DOCK1: variants seen among roughly 807,000 people sequenced by gnomAD.
The protein encoded by DOCK1 is dedicator of cytokinesis 1, also known as dedicator of cytokinesis protein 1.
In DOCK1, 138 loss-of-function variants were observed where a neutral mutation model predicts 262.7. That is an observed-to-expected ratio of 0.53 (90% confidence interval 0.46 to 0.61). DOCK1 has a LOEUF of 0.61. DOCK1 is among the 20% of genes least tolerant of loss of function. The pLI, the probability that DOCK1 is intolerant of heterozygous loss-of-function variation, is 0.00. For synonymous variants in DOCK1, 866 were observed against 867.4 expected, an observed-to-expected ratio of 1.00 and a Z score of 0.03; for missense variants, 1,908 against 2,370.7, an observed-to-expected ratio of 0.80 and a Z score of 4.05.
Position 127,100,956 on chromosome 10 carries a change from G to C in DOCK1, c.2446-5275G>C, listed in dbSNP as rs557974347. 5.9e-3 allele frequency among the ~76,000 whole-genome samples: 900 copies of C among 152,182 alleles called. 5 individuals are homozygous for C. The highest frequency in any genetic ancestry group is 8.7e-3 in the Non-Finnish European group (591 of 68,008). The stretch of plus-strand genomic sequence containing the variant: ...CCTGGGGCTGCTTTTCCGGGTGAGA[G>C]GCTGGTGTGGGCTTCATGATAGAAA... On this transcript the variant is annotated intron_variant, in intron 23 of 51. Coordinates refer to ENST00000623213, the MANE Select transcript of DOCK1 (RefSeq NM_001290223.2). The surrounding 1 kb of genome is among the most constrained non-coding windows in gnomAD (Gnocchi z 5.5).
chr10:127,024,253 A>T (rs1181916442), intron 14 of DOCK1, among the ~76,000 whole-genome samples: 1 of 152,160 alleles, frequency 6.6e-6, no homozygotes, highest in Non-Finnish European at 1.5e-5. Flanking sequence ...CCCTGGAAAC[A>T]TAGGTGCTGC....
chr10:127,355,151 C>CACG lies in DOCK1; in HGVS notation c.3283+424_3283+425insACG, dbSNP rs11269838. Among the ~76,000 whole-genome samples, 47 of 152,046 alleles carry CACG rather than the reference C, an allele frequency of 3.1e-4. No individual in the cohort carries two copies. In the East Asian group the frequency reaches 8.7e-3, roughly 28 times the overall value. On this transcript the variant is annotated intron_variant, in intron 32 of 51. Transcript: ENST00000623213. ...TTCCCCTCCTCAAAACCAGATCTACCTGGTGGCAGCCTAACATGCTCCTGC... is the reference window on the plus strand; with the variant it reads ...TTCCCCTCCTCAAAACCAGATCTACCACGTGGTGGCAGCCTAACATGCTCCTGC...
chr10:127,341,870 T>A (rs1458469557), intron 30 of DOCK1, among the ~76,000 whole-genome samples: 1 of 152,210 alleles, frequency 6.6e-6, no homozygotes, highest in Non-Finnish European at 1.5e-5. Context: ...GGCTGCATTC[T>A]GAGAGTCACA....
chr10:127,414,196 GC>G (rs889911104), intron 43 of DOCK1, among the ~76,000 whole-genome samples: 1 of 152,132 alleles, frequency 6.6e-6, no homozygotes, highest in Non-Finnish European at 1.5e-5. Flanking sequence ...ACAGACGTGA[GC>G]CCCCCACGCT....
intron 23 of DOCK1, among the ~76,000 whole-genome samples, chr10:127,083,190 T>C (rs1299042014): frequency 1.3e-5 from 2 of 152,216 alleles, no homozygotes; most frequent in Non-Finnish European, 2.9e-5. Context: ...TTGAACATTT[T>C]GCCTGGCATG....
intron 32 of DOCK1, among the ~76,000 whole-genome samples, chr10:127,356,639 G>A (rs1330355410): frequency 2.0e-5 from 3 of 152,000 alleles, no homozygotes; most frequent in African/African-American, 7.3e-5. Flanking sequence ...GACGGGGGAG[G>A]GCTTTCACAG....
chr10:127,398,016 G>C (rs2067016131), intron 38 of DOCK1, among the ~76,000 whole-genome samples: 2 of 152,100 alleles, frequency 1.3e-5, no homozygotes, highest in Admixed American at 1.3e-4. Flanking sequence ...CCGTGTGATG[G>C]GGCTCCTGTG....
intron 27 of DOCK1, among the ~76,000 whole-genome samples, chr10:127,199,430 C>T (rs966476479): frequency 3.3e-5 from 5 of 152,094 alleles, no homozygotes; most frequent in Non-Finnish European, 7.4e-5. Flanking sequence ...TATATCTGTT[C>T]CAAACGGGAA....
rs185552095 is a variant in DOCK1 at position 127,074,386 on chromosome 10, T to C, written c.2445+12610T>C. 1.1e-3 allele frequency among the ~76,000 whole-genome samples: 160 copies of C among 152,316 alleles called. 1 individual carries two copies. The highest frequency in any genetic ancestry group is 1.8e-3 in the Non-Finnish European group (121 of 68,028). ...TCAGCCCAGTGCTTTTTTCATGACA[T>C]CACTCAAGTCAGATTTTAAATTTGT... On this transcript the variant is annotated intron_variant, in intron 23 of 51. Coordinates refer to ENST00000623213, the MANE Select transcript of DOCK1 (RefSeq NM_001290223.2).
chr10:127,320,092 A>G (rs932192916), intron 29 of DOCK1, among the ~76,000 whole-genome samples: 3 of 152,178 alleles, frequency 2.0e-5, no homozygotes, highest in Non-Finnish European at 4.4e-5. Flanking sequence ...GGTGCCCACA[A>G]TAACTCATTA....
chr10:127,253,959 ATG>A (rs1324565592), intron 28 of DOCK1, among the ~76,000 whole-genome samples: 3 of 151,118 alleles, frequency 2.0e-5, no homozygotes, highest in African/African-American at 7.3e-5. Flanking sequence ...TGCTTCCGTC[ATG>A]TGTCTCCAAG....
At chr10:127,394,020 C>T (rs2066663638) in intron 38 of DOCK1, among the ~76,000 whole-genome samples, 1 of 151,990 alleles carries the variant, frequency 6.6e-6, no homozygotes, top group Non-Finnish European at 1.5e-5. Context: ...AATTGTCTGT[C>T]TTATTGTGTT....
At position 127,447,457 on chromosome 10, in the gene DOCK1, A is replaced by G. The variant is rs1327403817; in HGVS notation, c.5477A>G (p.Lys1826Arg). 6.2e-7 allele frequency: 1 copy of G among 1,613,714 alleles called. No individual in the cohort carries two copies. The highest frequency in any genetic ancestry group is 1.1e-5 in the South Asian group (1 of 90,968). The change falls in exon 51 of 52, where the codon AAA (lysine) becomes AGA (arginine). Residue 1826 changes from lysine (K) to arginine (R), a missense_variant. Transcript: ENST00000623213. ...GATGTCCCACCCCCTCTGCCTCTCA[A>G]AGGCAGCGTGGCAGATTACGGGAAT... ...VADVPPPLPL[K>R]GSVADYGNLM... is the part of the protein sequence containing the mutation.
chr10:127,351,397 C>T (rs564807866), intron 31 of DOCK1, among the ~76,000 whole-genome samples: 14 of 152,276 alleles, frequency 9.2e-5, no homozygotes, highest in East Asian at 5.8e-4. Flanking sequence ...TTGCTCAGCT[C>T]ATAGTCTTAT....
chr10:127,086,235 C>T (rs11599536), intron 23 of DOCK1, among the ~76,000 whole-genome samples: 1 of 151,422 alleles, frequency 6.6e-6, no homozygotes, highest in Non-Finnish European at 1.5e-5. Flanking sequence ...CCTCCCATCC[C>T]CCCACCCCCG....
intron 27 of DOCK1, among the ~76,000 whole-genome samples, chr10:127,131,473 C>A (rs1056752799): frequency 1.3e-5 from 2 of 152,168 alleles, no homozygotes; most frequent in African/African-American, 4.8e-5. Flanking sequence ...TGAGTGATGA[C>A]AACATCAAGA....
At chr10:127,153,819 T>A in intron 27 of DOCK1, 2 of 1,513,392 alleles carry the variant, frequency 1.3e-6, no homozygotes, top group Non-Finnish European at 1.8e-6. Flanking sequence ...TCACTCATAA[T>A]AAGAAAGTGG....
chr10:127,089,438 C>G (rs186594100), intron 23 of DOCK1, among the ~76,000 whole-genome samples: 36 of 152,254 alleles, frequency 2.4e-4, no homozygotes, highest in South Asian at 8.3e-4. Context: ...TCCTGTGCAC[C>G]CACTTTGTTT....
chr10:127,278,161 A>G (rs2060813197), intron 29 of DOCK1, among the ~76,000 whole-genome samples: 1 of 152,128 alleles, frequency 6.6e-6, no homozygotes, highest in Non-Finnish European at 1.5e-5. Context: ...GTTAAACTAA[A>G]AAAGTATATT....
Sources: gnomAD v4.1 joint callset for allele counts (sites outside exome capture counted in the v4.1 genomes callset) on GRCh38, gnomAD v4.1.1 for gene constraint, Gnocchi (gnomAD v3.1) non-coding constraint, MANE v1.5 for transcripts, NCBI Gene and HGNC (gene_info 2026-07-23, HGNC 2026-07-21) for gene names.